Variants in CLIP2 observed in about 807,000 individuals in gnomAD.
CLIP2 encodes the protein CAP-Gly domain-containing linker protein 2.
A neutral mutation model predicts 111.7 loss-of-function variants in CLIP2; 41 were observed. The ratio of observed to expected loss-of-function variants is 0.37; its 90% CI spans 0.29 to 0.48. The LOEUF (loss-of-function observed/expected upper bound fraction) is 0.48. CLIP2 is among the 20% of genes least tolerant of loss of function. CLIP2 has a pLI of 0.99. For missense variants in CLIP2, 1,160 were observed against 1,422.1 expected (o/e 0.82, Z 2.96); for synonymous variants, 660 against 644.2 (o/e 1.02, Z -0.37).
chr7:74,378,026 A>G (rs1584376730), intron 10 of CLIP2, among the ~76,000 whole-genome samples: 1 of 152,250 alleles, frequency 6.6e-6, no homozygotes, highest in East Asian at 1.9e-4. Flanking sequence ...GGGTTTCGCC[A>G]GGTAGTCCAG....
Position 74,356,431 on chromosome 7 carries a change from G to A in CLIP2, c.825G>A (p.Lys275=), listed in dbSNP as rs1243027280. The change falls in exon 5 of 17, where the codon AAG becomes AAA. Residue 275 remains lysine (K), a synonymous_variant. Transcript: ENST00000223398. Reference sequence around the variant, plus strand: ...ACAGGTACTTCCAGTGCCCACCCAAGTTTGGTCTCTTCGCGCCCATCCACA... The same window carrying A: ...ACAGGTACTTCCAGTGCCCACCCAAATTTGGTCTCTTCGCGCCCATCCACA... The part of the protein sequence containing the change: ...AGTRYFQCPP[K]FGLFAPIHKV... The A allele has an allele frequency of 6.2e-7, 1 of 1,614,064 alleles. No individual in the cohort carries two copies. Among genetic ancestry groups the A allele is most frequent in the East Asian group, 2.2e-5 (1 of 44,898 alleles).
rs1213271904 is a variant in CLIP2, at chr7:74,338,577, G to A, written c.251G>A (p.Arg84Gln). Residue 84 changes from arginine (R) to glutamine (Q), a missense_variant, in exon 3 of 17, where the codon CGG becomes CAG. Physicochemically the swap from Arg to Gln is conservative, Grantham distance 43. Coordinates refer to ENST00000223398, the MANE Select transcript of CLIP2 (RefSeq NM_003388.5). This position sits in a 1 kb window ranked among gnomAD's most constrained non-coding sequence, Gnocchi z 4.3. Reference sequence around the variant, plus strand: ...CTGGGGGACTTTGTGGTGGGCGAGCGGGTGTGGGTGAACGGCGTGAAGCCA... The same window carrying A: ...CTGGGGGACTTTGTGGTGGGCGAGCAGGTGTGGGTGAACGGCGTGAAGCCA... Reference protein sequence around the residue: ...DFLGDFVVGERVWVNGVKPGV... With the variant: ...DFLGDFVVGEQVWVNGVKPGV... 1.3e-6 allele frequency: 2 copies of A among 1,577,594 alleles called. No homozygotes were observed. The highest frequency in any genetic ancestry group is 1.7e-6 in the Non-Finnish European group (2 of 1,163,198).
chr7:74,367,509 A>G (rs1261541508), intron 8 of CLIP2, among the ~76,000 whole-genome samples: 1 of 151,576 alleles, frequency 6.6e-6, no homozygotes, highest in Non-Finnish European at 1.5e-5. Flanking sequence ...TAATTTTTAT[A>G]CAGATGGGTT....
chr7:74,349,470 G>GTGTATA (rs1181485819), intron 3 of CLIP2, among the ~76,000 whole-genome samples: 464 of 33,730 alleles, frequency 0.014, 12 homozygotes, highest in Non-Finnish European at 0.023. Flanking sequence ...GTGTGTGTGT[G>GTGTATA]TATATATATA....
chr7:74,368,950 C>A (rs1790529661), intron 8 of CLIP2, among the ~76,000 whole-genome samples: 1 of 152,216 alleles, frequency 6.6e-6, no homozygotes, highest in Non-Finnish European at 1.5e-5. Context: ...CAGTGGCTCA[C>A]ACCTGCAATC....
chr7:74,387,132 G>T (rs782349404), intron 12 of CLIP2, among the ~76,000 whole-genome samples: 2 of 151,478 alleles, frequency 1.3e-5, no homozygotes, highest in Admixed American at 1.3e-4. Flanking sequence ...ATGCCTCCCC[G>T]CCAGCTTCTG....
chr7:74,374,079 G>A lies in CLIP2; in HGVS notation c.1485+1043G>A, dbSNP rs183155124. Among the ~76,000 whole-genome samples, 14 of 152,200 alleles carry A rather than the reference G, an allele frequency of 9.2e-5. No homozygotes were observed. The South Asian group carries it at 1.0e-3, about 11-fold the overall frequency. ...GCACTCTGTGCAGGCACTCACATGC[G>A]AACAGCCAGCCGGCCCCCCAGCAGT... On this transcript the variant is annotated intron_variant, in intron 9 of 16. Transcript: ENST00000223398.
chr7:74,292,919 C>T (rs1788067093), intron 1 of CLIP2, among the ~76,000 whole-genome samples: 1 of 152,188 alleles, frequency 6.6e-6, no homozygotes, highest in African/African-American at 2.4e-5. Flanking sequence ...TCTCAGACAC[C>T]TATCCCTTTT....
At position 74,394,836 on chromosome 7, in the gene CLIP2, G is replaced by A. The variant is rs547415883; in HGVS notation, c.2721-2238G>A. On this transcript the variant is annotated intron_variant, in intron 13 of 16. Coordinates refer to ENST00000223398, the MANE Select transcript of CLIP2 (RefSeq NM_003388.5). ...CCAGGCCCCTGGCCAGGGTTCCAGG[G>A]CTGCCCTCCCTCCCCTGTCTCCCAT... Among the ~76,000 whole-genome samples the A allele has an allele frequency of 4.6e-5, 7 of 152,280 alleles. No homozygotes were observed. In the East Asian group the frequency reaches 1.4e-3, roughly 29 times the overall value.
rs1274276342 is a variant in CLIP2, at chr7:74,372,800, C to G, written c.1381-132C>G. ...TGGCTCATGAATCTACTCTCCTCGC[C>G]TTGTTCACGGAAGATGACGCCTCCT... On this transcript the variant is annotated intron_variant, in intron 8 of 16. Coordinates refer to ENST00000223398, the MANE Select transcript of CLIP2 (RefSeq NM_003388.5). 3 of 658,184 alleles carry G rather than the reference C, an allele frequency of 4.6e-6. No homozygotes were observed. In the African/African-American group the frequency reaches 5.4e-5, roughly 12 times the overall value. The allele number at this position is 658,184 out of a possible 1,614,324, so 40.8% of individuals were successfully genotyped here.
chr7:74,385,916 A>G (rs190757901), intron 11 of CLIP2, among the ~76,000 whole-genome samples: 234 of 147,902 alleles, frequency 1.6e-3, no homozygotes, highest in African/African-American at 5.7e-3. Context: ...CTAATTTTGT[A>G]TTTTTAGTAG....
At chr7:74,319,799 T>G (rs1788892734) in intron 2 of CLIP2, among the ~76,000 whole-genome samples, 1 of 139,382 alleles carries the variant, frequency 7.2e-6, no homozygotes. Flanking sequence ...CCAGCCTGAG[T>G]GACAGAGTGA....
chr7:74,363,068 G>C (rs1165620334), intron 7 of CLIP2, among the ~76,000 whole-genome samples: 3 of 151,464 alleles, frequency 2.0e-5, no homozygotes, highest in Admixed American at 6.6e-5. Flanking sequence ...GCAATGGCAC[G>C]ATCTCAGCTC....
intron 1 of CLIP2, among the ~76,000 whole-genome samples, chr7:74,309,331 T>C (rs1788581344): frequency 6.6e-6 from 1 of 151,460 alleles, no homozygotes; most frequent in Non-Finnish European, 1.5e-5. Flanking sequence ...AATTGTATGG[T>C]TTGATGACTT....
intron 12 of CLIP2, chr7:74,388,841 A>G: frequency 2.9e-6 from 1 of 340,556 alleles, no homozygotes; most frequent in Non-Finnish European, 5.3e-6. Context: ...CTGTAGTCCC[A>G]GCTACTCAGG....
chr7:74,352,585 C>A (rs1251639228), intron 3 of CLIP2, among the ~76,000 whole-genome samples: 1 of 151,818 alleles, frequency 6.6e-6, no homozygotes, highest in Non-Finnish European at 1.5e-5. Context: ...GTACTGCAAT[C>A]CTGGAGTCAG....
At chr7:74,292,593 G>A (rs1788056739) in intron 1 of CLIP2, among the ~76,000 whole-genome samples, 1 of 151,930 alleles carries the variant, frequency 6.6e-6, no homozygotes, top group African/African-American at 2.4e-5. Flanking sequence ...TCACCATGTT[G>A]ATCAAGCTGG....
chr7:74,334,208 A>G (rs781865769), intron 2 of CLIP2, among the ~76,000 whole-genome samples: 1 of 152,182 alleles, frequency 6.6e-6, no homozygotes, highest in East Asian at 1.9e-4. Context: ...GGAAGCTGAA[A>G]ATGTCTCAGC....
intron 13 of CLIP2, among the ~76,000 whole-genome samples, chr7:74,390,166 A>AAAGAAAG (rs1791245464): frequency 2.0e-4 from 1 of 5,044 alleles, no homozygotes; most frequent in Admixed American, 2.0e-3. Flanking sequence ...AAGAAAGAAG[A>AAAGAAAG]AAGAAAGAAA....
Sources: gnomAD v4.1 joint callset for allele counts (sites outside exome capture counted in the v4.1 genomes callset) on GRCh38, gnomAD v4.1.1 for gene constraint, Gnocchi (gnomAD v3.1) non-coding constraint, MANE v1.5 for transcripts, NCBI Gene and HGNC (gene_info 2026-07-23, HGNC 2026-07-21) for gene names.